The following NUP210 variants were observed in gnomAD, a reference collection of about 807,000 sequenced individuals.
The protein encoded by NUP210 is nuclear pore membrane glycoprotein 210.
A neutral mutation model predicts 196.0 loss-of-function variants in NUP210; 151 were observed. The ratio of observed to expected loss-of-function variants is 0.77; its 90% CI spans 0.67 to 0.88. The LOEUF is 0.88. Among genes scored for constraint, NUP210 ranks in the 40% least tolerant of loss-of-function variants. NUP210 has a pLI of 0.00. For missense variants in NUP210, 2,314 were observed against 2,493.7 expected, an observed-to-expected ratio of 0.93 and a Z score of 1.53; for synonymous variants, 1,070 against 1,052.7, an observed-to-expected ratio of 1.02 and a Z score of -0.32.
intron 32 of NUP210, among the ~76,000 whole-genome samples, 175 bp downstream of exon 32, chr3:13,327,042 A>G (rs781272349): frequency 1.2e-4 from 19 of 152,262 alleles, no homozygotes; most frequent in Non-Finnish European, 2.4e-4. Context: ...TGCAGAAAAC[A>G]GGCACAGGCT....
At chr3:13,400,108 A>G (rs140572646) in intron 1 of NUP210, among the ~76,000 whole-genome samples, 2,066 of 152,186 alleles carry the variant, frequency 0.014, 43 homozygotes, top group African/African-American at 0.047. Context: ...AGCAAATCAA[A>G]CAGGAGACCT....
chr3:13,403,571 A>G (rs1027171670), intron 1 of NUP210, among the ~76,000 whole-genome samples: 4 of 152,138 alleles, frequency 2.6e-5, no homozygotes, highest in African/African-American at 9.7e-5. Context: ...AGTGGTTCCA[A>G]TGCTGGCCTG....
chr3:13,363,398 C>T (rs1698432746), intron 14 of NUP210, among the ~76,000 whole-genome samples: 1 of 152,200 alleles, frequency 6.6e-6, no homozygotes, highest in Non-Finnish European at 1.5e-5. Context: ...ATTTTCATGA[C>T]CAGCCCAAAG....
At chr3:13,322,524 T>C (rs1249745283) in intron 34 of NUP210, among the ~76,000 whole-genome samples, 185 bp from the exon 35 acceptor site, 1 of 152,190 alleles carries the variant, frequency 6.6e-6, no homozygotes, top group African/African-American at 2.4e-5. Flanking sequence ...GGACATATCA[T>C]ATGGAAGAGG....
At chr3:13,386,479 A>G (rs943934882) in intron 5 of NUP210, 72 bp from the exon 6 acceptor site, 14 of 1,561,220 alleles carry the variant, frequency 9.0e-6, no homozygotes, top group Admixed American at 5.3e-5. Flanking sequence ...TGAGCAAGAG[A>G]AAGAGATGTT....
rs746669435 is a variant in NUP210, at chr3:13,343,253, G to A, written c.2886C>T (p.Cys962=). 1.3e-6 allele frequency: 2 copies of A among 1,486,812 alleles called. No homozygotes were observed. Among genetic ancestry groups the A allele is most frequent in the Admixed American group, 3.6e-5 (2 of 55,054 alleles). 92.1% of individuals were successfully genotyped at this position (1,486,812 alleles called of 1,614,324 possible). The change falls in exon 21 of 40, where the codon TGC becomes TGT. Residue 962 remains cysteine (C), a synonymous_variant. Coordinates refer to ENST00000254508, the MANE Select transcript of NUP210 (RefSeq NM_024923.4). ...GSSTIMIHDL[C]LVFPAPAKAV... The stretch of plus-strand genomic sequence containing the variant: ...CCTTGGCTGGGGCCGGGAAGACGAG[G>A]CACAAGTCATGGATCATGATGGTGG...
rs770784480 is a variant in NUP210, at chr3:13,323,478, C to T, written c.4645-46G>A. 38 of 1,608,066 alleles carry T rather than the reference C, an allele frequency of 2.4e-5. No homozygotes were observed. Among genetic ancestry groups the T allele is most frequent in the Middle Eastern group, 3.5e-4 (2 of 5,746 alleles). ...GCTTCATGGAGCGCCGCCTGTGTCC[C>T]GGTCCATGCTGGGCGTTTCCACAAC... On this transcript the variant is annotated intron_variant, in intron 33 of 39. Coordinates refer to ENST00000254508, the MANE Select transcript of NUP210 (RefSeq NM_024923.4). This position sits in a 1 kb window ranked among gnomAD's most constrained non-coding sequence, Gnocchi z 4.3.
chr3:13,357,685 A>G lies in NUP210; in HGVS notation c.2328+537T>C, dbSNP rs144121297. Among the ~76,000 whole-genome samples the G allele has an allele frequency of 5.9e-5, 9 of 152,202 alleles. No homozygotes were observed. In the East Asian group the frequency reaches 1.7e-3, roughly 30 times the overall value. ...ATGGATGTGTCTCAAGTCCAAGGGG[A>G]GCAGACCTGTGGCTTCCCCTACCAT... On this transcript the variant is annotated intron_variant, in intron 16 of 39. Coordinates refer to ENST00000254508, the MANE Select transcript of NUP210 (RefSeq NM_024923.4).
At chr3:13,399,466 A>G (rs982185081) in intron 2 of NUP210, among the ~76,000 whole-genome samples, 1 of 152,150 alleles carries the variant, frequency 6.6e-6, no homozygotes, top group Non-Finnish European at 1.5e-5. Flanking sequence ...GCTACCCATT[A>G]AGAGTTATTT....
At chr3:13,341,484 C>T (rs956126711) in intron 23 of NUP210, among the ~76,000 whole-genome samples, 2 of 152,210 alleles carry the variant, frequency 1.3e-5, no homozygotes, top group African/African-American at 4.8e-5. Context: ...TGACCAGGCA[C>T]ACCCCTTCTC....
Position 13,371,999 on chromosome 3 carries a change from C to A in NUP210, c.1621G>T (p.Ala541Ser). 1 of 1,593,660 alleles carries A rather than the reference C, an allele frequency of 6.3e-7. No homozygotes were observed. Residue 541 changes from alanine to serine, a missense_variant, in exon 13 of 40, where the codon GCC becomes TCC. By Grantham distance (99) the Ala-to-Ser change is moderately conservative. Coordinates refer to ENST00000254508, the MANE Select transcript of NUP210 (RefSeq NM_024923.4). ...YVIEPHSMEF[A>S]PCQVEARVGQ... ...ACACGTGCCTCCACCTGGCACGGGG[C>A]AAACTCCATGCTGTGGGGCTCGATC...
rs1363423855 is a variant in NUP210 at position 13,373,973 on chromosome 3, C to A, written c.1432-100G>T. On this transcript the variant is annotated intron_variant, in intron 11 of 39. Transcript: ENST00000254508. ...GTGCGTGTGCATGCACGTACTCACA[C>A]TCATACACATTTATCCTCACACTCA... 5 of 1,334,616 alleles carry A rather than the reference C, an allele frequency of 3.7e-6. No homozygotes were observed. In the African/African-American group the frequency reaches 7.2e-5, roughly 19 times the overall value. 82.7% of individuals were successfully genotyped at this position (1,334,616 alleles called of 1,614,324 possible). A position where few individuals can be genotyped will look rare whatever the true frequency, so the allele number is the denominator to read the frequency against.
chr3:13,376,827 C>T (rs3796322), intron 9 of NUP210, among the ~76,000 whole-genome samples: 88,181 of 151,610 alleles, frequency 0.58, 26,859 homozygotes, highest in African/African-American at 0.77. Flanking sequence ...AGCAAAGCAA[C>T]GACATCTTCA....
intron 12 of NUP210, among the ~76,000 whole-genome samples, chr3:13,372,682 C>T (rs768742684): frequency 6.6e-6 from 1 of 152,162 alleles, no homozygotes; most frequent in Non-Finnish European, 1.5e-5. Context: ...ACTAGAATCC[C>T]ACCTCCTGGT....
In NUP210 at chr3:13,397,458, A is replaced by G. The variant is rs1699697754; in HGVS notation, c.335T>C (p.Ile112Thr). The G allele has an allele frequency of 2.5e-6, 4 of 1,612,200 alleles. No homozygotes were observed. Among genetic ancestry groups the G allele is most frequent in the South Asian group, 1.1e-5 (1 of 90,830 alleles). Residue 112 changes from isoleucine to threonine, a missense_variant, in exon 3 of 40, where the codon ATT becomes ACT. Coordinates refer to ENST00000254508, the MANE Select transcript of NUP210 (RefSeq NM_024923.4). The part of the protein sequence containing the change: ...TTGQVLRCDA[I>T]VDLIHDIQIV... ...CTGGATGTCATGGATGAGGTCCACAATGGCATCACAGCGCAGGACCTGGCC... is the reference window on the plus strand; with the variant it reads ...CTGGATGTCATGGATGAGGTCCACAGTGGCATCACAGCGCAGGACCTGGCC...
At chr3:13,399,152 A>G (rs1699756674) in intron 2 of NUP210, among the ~76,000 whole-genome samples, 1 of 151,378 alleles carries the variant, frequency 6.6e-6, no homozygotes, top group Non-Finnish European at 1.5e-5. Context: ...TGTAGTCTCA[A>G]CTACTCGGGA....
chr3:13,341,492 C>G (rs1697490601), intron 23 of NUP210, among the ~76,000 whole-genome samples: 1 of 152,240 alleles, frequency 6.6e-6, no homozygotes, highest in Non-Finnish European at 1.5e-5. Context: ...CACACCCCTT[C>G]TCTGAGCCAC....
rs201227857 is a variant in NUP210, at chr3:13,327,172, A to G, written c.4507+45T>C. 34 of 1,523,636 alleles carry G rather than the reference A, an allele frequency of 2.2e-5. No homozygotes were observed. The East Asian group carries it at 7.7e-4, about 34-fold the overall frequency. 94.4% of individuals were successfully genotyped at this position (1,523,636 alleles called of 1,614,324 possible). A position where few individuals can be genotyped will look rare whatever the true frequency, so the allele number is the denominator to read the frequency against. On this transcript the variant is annotated intron_variant, in intron 32 of 39. Coordinates refer to ENST00000254508, the MANE Select transcript of NUP210 (RefSeq NM_024923.4). ...CAGGTAGCCCCCACCCAGCTTTGCA[A>G]GCGTCCGTGACTCCACAGGTTCCCT...
intron 25 of NUP210, 81 bp downstream of exon 25, chr3:13,339,773 C>T (rs1270214300): frequency 7.7e-7 from 1 of 1,296,298 alleles, no homozygotes; most frequent in East Asian, 2.3e-5. Flanking sequence ...GAGGGGTGGT[C>T]CTCAGAGGTA....
Sources: allele counts gnomAD v4.1 joint callset (sites outside exome capture counted in the v4.1 genomes callset), GRCh38; gene constraint gnomAD v4.1.1; non-coding constraint Gnocchi (gnomAD v3.1); transcripts MANE v1.5; gene names NCBI Gene and HGNC (gene_info 2026-07-23, HGNC 2026-07-21).